ATRX: variants seen among roughly 807,000 people sequenced by gnomAD.
The protein encoded by ATRX is ATRX chromatin remodeler.
Under a neutral mutation model 172.6 loss-of-function variants are expected in ATRX, and 12 were observed. The observed-to-expected ratio is 0.07, with a 90% CI of 0.04 to 0.11. ATRX has a LOEUF of 0.11. ATRX is among the 10% of genes least tolerant of loss of function. ATRX has a pLI of 1.00. For missense variants in ATRX, 1,368 were observed against 1,767.4 expected (o/e 0.77, Z 4.05); for synonymous variants, 674 against 594.7 (o/e 1.13, Z -1.94).
chrX:77,775,735 ATTTATTTATTTATTTT>A (rs1185982593), intron 1 of ATRX, among the ~76,000 whole-genome samples: 1 of 109,456 alleles, frequency 9.1e-6, no homozygotes. Context: ...TTATTTATTT[ATTTATTTATTTATTTT>A]TGAAACGGAA....
At chrX:77,611,942 G>A (rs1332349751) in intron 22 of ATRX, among the ~76,000 whole-genome samples, 1 of 111,677 alleles carries the variant, frequency 9.0e-6, no homozygotes, top group East Asian at 2.8e-4. Context: ...GTATTTTTCT[G>A]ATTATGGAAG....
chrX:77,778,614 G>A (rs1332610564), intron 1 of ATRX, among the ~76,000 whole-genome samples: 19 of 107,461 alleles, frequency 1.8e-4, no homozygotes, highest in African/African-American at 3.4e-4. Context: ...CAAGCTACTC[G>A]GGAAGCTGAG....
At chrX:77,779,068 C>G (rs2076472888) in intron 1 of ATRX, among the ~76,000 whole-genome samples, 1 of 105,034 alleles carries the variant, frequency 9.5e-6, no homozygotes, top group Non-Finnish European at 1.9e-5. Flanking sequence ...GCTGGCACTA[C>G]AGGCGCCCGC....
chrX:77,521,738 G>T, intron 32 of ATRX: 2 of 298,203 alleles, frequency 6.7e-6, no homozygotes, highest in South Asian at 7.0e-5. Context: ...TAATGCAGAA[G>T]AATCCATAAG....
At chrX:77,613,214 T>C (rs186401073) in intron 22 of ATRX, among the ~76,000 whole-genome samples, 1 of 111,164 alleles carries the variant, frequency 9.0e-6, no homozygotes, top group African/African-American at 3.3e-5. Flanking sequence ...CTACTAGCAA[T>C]GTACAGGGTT....
At chrX:77,579,837 G>A (rs1346612740) in intron 27 of ATRX, among the ~76,000 whole-genome samples, 6 of 112,186 alleles carry the variant, frequency 5.3e-5, no homozygotes, top group East Asian at 2.8e-4. Flanking sequence ...GGGAAAATCC[G>A]GGAAAGACAG....
chrX:77,734,454 G>A (rs782034677), intron 1 of ATRX, among the ~76,000 whole-genome samples: 26 of 110,619 alleles, frequency 2.4e-4, no homozygotes, highest in South Asian at 7.7e-4. Flanking sequence ...ATAAGTAAAC[G>A]GTGCCGGGAA....
intron 15 of ATRX, among the ~76,000 whole-genome samples, chrX:77,648,732 T>C (rs1603064456): frequency 9.2e-6 from 1 of 108,180 alleles, no homozygotes; most frequent in Non-Finnish European, 1.9e-5. Context: ...TGACAGAACC[T>C]ACAAAGTATA....
At chrX:77,717,650 T>C (rs2073512373) in intron 1 of ATRX, among the ~76,000 whole-genome samples, 1 of 107,684 alleles carries the variant, frequency 9.3e-6, no homozygotes, top group African/African-American at 3.4e-5. Flanking sequence ...TATAAAAATA[T>C]GAGTAACACA....
At chrX:77,522,550 T>C in intron 31 of ATRX, 162 bp from the exon 32 acceptor site, 1 of 588,230 alleles carries the variant, frequency 1.7e-6, no homozygotes, top group Middle Eastern at 5.4e-4. Context: ...ACCAAGATCT[T>C]ATTACAAGGA....
chrX:77,713,283 T>C (rs1164151911), intron 2 of ATRX, among the ~76,000 whole-genome samples: 1 of 111,826 alleles, frequency 8.9e-6, no homozygotes, highest in African/African-American at 3.2e-5. Context: ...AGTATCAGTA[T>C]CAACTCATGA....
chrX:77,679,497 C>T (rs2071074781), intron 9 of ATRX, among the ~76,000 whole-genome samples: 1 of 111,807 alleles, frequency 8.9e-6, no homozygotes, highest in African/African-American at 3.2e-5. Flanking sequence ...AGAGATGCAT[C>T]AATTGAGTAT....
At chrX:77,678,497 T>G (rs2071024503) in intron 9 of ATRX, among the ~76,000 whole-genome samples, 1 of 112,312 alleles carries the variant, frequency 8.9e-6, no homozygotes, top group South Asian at 3.7e-4. Context: ...TGTTGCTGTT[T>G]CTGTTTTGAG....
intron 15 of ATRX, among the ~76,000 whole-genome samples, chrX:77,636,592 G>A (rs954832718): frequency 8.1e-5 from 9 of 110,910 alleles, no homozygotes; most frequent in Middle Eastern, 4.7e-3. Flanking sequence ...ATAAAGCCAG[G>A]ACAGAGCCCA....
Position 77,684,266 on chromosome X carries a change from T to C in ATRX, c.990A>G (p.Lys330=). The C allele has an allele frequency of 8.3e-7, 1 of 1,209,643 alleles. No individual in the cohort carries two copies. The highest frequency in any genetic ancestry group is 1.1e-6 in the Non-Finnish European group (1 of 893,516). ...TSSNCNGEEK[K]LDDSCSGSVT... ...CAGAGCCAGAACAGGAATCATCTAA[T>C]TTCTTTTCTTCTCCATTACAATTTG... The change falls in exon 9 of 35, where the codon AAA becomes AAG. Residue 330 remains lysine (K), a synonymous_variant. Transcript: ENST00000373344.
chrX:77,588,861 C>T (rs144437760), intron 27 of ATRX, among the ~76,000 whole-genome samples: 269 of 111,497 alleles, frequency 2.4e-3, no homozygotes, highest in African/African-American at 8.3e-3. Flanking sequence ...TCAACAAGTA[C>T]ATTAAAAGAT....
chrX:77,714,625 A>C (rs1238276316), intron 2 of ATRX, among the ~76,000 whole-genome samples: 1 of 111,816 alleles, frequency 8.9e-6, no homozygotes, highest in Non-Finnish European at 1.9e-5. Flanking sequence ...GGATGCATGG[A>C]GAACAGAACA....
At position 77,682,421 on chromosome X, in the gene ATRX, C is replaced by T. The variant is rs2148587731; in HGVS notation, c.2835G>A (p.Lys945=). ...ATGTTTTGGTTTTGAGATGCTTGCTCTTTTCTTTAGTTTCAGCAACTTTTC... is the reference window on the plus strand; with the variant it reads ...ATGTTTTGGTTTTGAGATGCTTGCTTTTTTCTTTAGTTTCAGCAACTTTTC... ...EVRKVAETKE[K]SKHLKTKTCK... The change falls in exon 9 of 35, where the codon AAG becomes AAA. Residue 945 remains lysine, a synonymous_variant. Transcript: ENST00000373344. 1 of 1,211,341 alleles carries T rather than the reference C, an allele frequency of 8.3e-7. No individual in the cohort carries two copies. Among genetic ancestry groups the T allele is most frequent in the Non-Finnish European group, 1.1e-6 (1 of 895,339 alleles).
intron 1 of ATRX, among the ~76,000 whole-genome samples, chrX:77,772,379 C>A (rs1384158084): frequency 9.4e-6 from 1 of 106,827 alleles, no homozygotes; most frequent in East Asian, 2.9e-4. Flanking sequence ...CTCTTGTAAT[C>A]CCAGTACTTT....
Sources: gnomAD v4.1 joint callset for allele counts (sites outside exome capture counted in the v4.1 genomes callset) on GRCh38, gnomAD v4.1.1 for gene constraint, MANE v1.5 for transcripts, NCBI Gene and HGNC (gene_info 2026-07-23, HGNC 2026-07-21) for gene names.